The following DTNBP1 variants were observed in gnomAD, a reference collection of about 807,000 sequenced individuals.
DTNBP1 encodes the protein dystrobrevin binding protein 1, also known as dysbindin.
A neutral mutation model predicts 42.8 loss-of-function variants in DTNBP1; 35 were observed. The ratio of observed to expected loss-of-function variants is 0.82; its 90% CI spans 0.63 to 1.09. DTNBP1 has a LOEUF of 1.09. DTNBP1 is among the 50% of genes least tolerant of loss of function. The pLI is 0.00. For synonymous variants in DTNBP1, 171 were observed against 162.2 expected (o/e 1.05, Z -0.41); for missense variants, 457 against 424.2 (o/e 1.08, Z -0.68).
intron 4 of DTNBP1, among the ~76,000 whole-genome samples, chr6:15,630,711 A>C (rs1376431174): frequency 6.6e-6 from 1 of 152,122 alleles, no homozygotes; most frequent in African/African-American, 2.4e-5. Context: ...AGGTTGAGAG[A>C]TCGAGACCAT....
chr6:15,655,479 ACTT>A (rs869105130), intron 1 of DTNBP1, among the ~76,000 whole-genome samples: 8 of 152,250 alleles, frequency 5.3e-5, no homozygotes, highest in East Asian at 3.9e-4. Flanking sequence ...TTTTCTCACC[ACTT>A]CTTCTCCAAA....
chr6:15,577,167 C>T (rs565077130), intron 7 of DTNBP1, among the ~76,000 whole-genome samples: 19 of 152,208 alleles, frequency 1.2e-4, no homozygotes, highest in Non-Finnish European at 2.6e-4. Flanking sequence ...CTGGTTGGGC[C>T]TATGGGCCTG....
At chr6:15,621,425 G>T (rs1307673237) in intron 5 of DTNBP1, among the ~76,000 whole-genome samples, 4 of 152,180 alleles carry the variant, frequency 2.6e-5, no homozygotes, top group African/African-American at 9.7e-5. Context: ...TCTGTTCTAG[G>T]TACAAATTGT....
intron 7 of DTNBP1, among the ~76,000 whole-genome samples, chr6:15,563,344 T>C (rs1369544635): frequency 2.0e-5 from 3 of 152,008 alleles, no homozygotes; most frequent in African/African-American, 7.3e-5. Flanking sequence ...GCATAACTCA[T>C]AAAAAAAGAA....
At chr6:15,533,138 C>T in intron 8 of DTNBP1, 102 bp downstream of exon 8, 1 of 1,563,316 alleles carries the variant, frequency 6.4e-7, no homozygotes, top group Non-Finnish European at 8.7e-7. Context: ...CAGAACGGAA[C>T]TTCTGAGGAT....
At chr6:15,533,543 G>T in intron 7 of DTNBP1, 148 bp from the exon 8 acceptor site, 1 of 1,340,702 alleles carries the variant, frequency 7.5e-7, no homozygotes, top group Non-Finnish European at 1.1e-6. Flanking sequence ...GTGTACAGCT[G>T]GCCTCCTTGT....
chr6:15,660,197 T>G (rs1373891372), intron 1 of DTNBP1, among the ~76,000 whole-genome samples: 1 of 152,240 alleles, frequency 6.6e-6, no homozygotes, highest in Non-Finnish European at 1.5e-5. Context: ...TCTTTTTTAG[T>G]GATGCAGCTC....
rs11753919 is a variant in DTNBP1, at chr6:15,533,502, C to T, written c.512-107G>A. On this transcript the variant is annotated intron_variant, in intron 7 of 9. Transcript: ENST00000344537. ...CCTCCAAGTGGATGGAGTCATGCCG[C>T]GTTTACAGACTGGGCTGGTGCCCCG... 160,681 of 1,569,016 alleles carry T rather than the reference C, an allele frequency of 0.1. 10,681 individuals are homozygous for T. Among genetic ancestry groups the T allele is most frequent in the African/African-American group, 0.32 (23,702 of 74,062 alleles).
At position 15,569,344 on chromosome 6, in the gene DTNBP1, C is replaced by T. The variant is rs928925138; in HGVS notation, c.511+23715G>A. On this transcript the variant is annotated intron_variant, in intron 7 of 9. Transcript: ENST00000344537. ...ATTACAGTGGTACAGCTGAAGTCAG[C>T]CAGTTAAGACCCCCCCCCGCCCGCC... is the stretch of plus-strand genomic sequence containing the variant. Among the ~76,000 whole-genome samples the T allele has an allele frequency of 1.3e-4, 20 of 148,882 alleles. 1 individual carries two copies. Among genetic ancestry groups the T allele is most frequent in the Non-Finnish European group, 2.5e-4 (17 of 67,320 alleles).
intron 5 of DTNBP1, among the ~76,000 whole-genome samples, chr6:15,624,551 A>G (rs944739055): frequency 6.6e-6 from 1 of 152,228 alleles, no homozygotes; most frequent in Non-Finnish European, 1.5e-5. Flanking sequence ...TTGCCCTTCA[A>G]TAAAAGCAGG....
intron 1 of DTNBP1, 134 bp downstream of exon 1, chr6:15,662,680 C>T (rs1761717791): frequency 2.3e-6 from 3 of 1,292,462 alleles, no homozygotes; most frequent in Admixed American, 3.9e-5. Flanking sequence ...TTACTTTCCT[C>T]GGCGGGGCGG....
In DTNBP1 at chr6:15,523,122, G is replaced by A. The variant is rs758273569; in HGVS notation, c.909C>T (p.Thr303=). 5.1e-5 allele frequency: 83 copies of A among 1,614,106 alleles called. No individual in the cohort carries two copies. In the South Asian group the frequency reaches 7.8e-4, roughly 15 times the overall value. Residue 303 remains threonine, a synonymous_variant, in exon 10 of 10, where the codon ACC becomes ACT. Coordinates refer to ENST00000344537, the MANE Select transcript of DTNBP1 (RefSeq NM_032122.5). ...CACTGATGTCCCGGGTGGCCGAGTC[G>A]GTGCAGGTGGAGGAAGAAGAAGGTG... ...AKPPSSSSTC[T]DSATRDISEG... is the part of the protein sequence containing the mutation.
At chr6:15,549,441 C>T (rs1296043529) in intron 7 of DTNBP1, among the ~76,000 whole-genome samples, 1 of 147,146 alleles carries the variant, frequency 6.8e-6, no homozygotes, top group Non-Finnish European at 1.5e-5. Context: ...GCCGAGACCG[C>T]GCCATTGCAC....
At chr6:15,524,373 C>A in intron 9 of DTNBP1, 153 bp downstream of exon 9, 1 of 1,613,716 alleles carries the variant, frequency 6.2e-7, no homozygotes, top group South Asian at 1.1e-5. Context: ...GCCACACAGC[C>A]GTGTGGAACC....
intron 1 of DTNBP1, among the ~76,000 whole-genome samples, chr6:15,656,427 CTTAAT>C (rs2113822653): frequency 6.6e-6 from 1 of 152,288 alleles, no homozygotes; most frequent in African/African-American, 2.4e-5. Context: ...ACGACTTCAC[CTTAAT>C]TTGACACCAG....
chr6:15,538,557 A>T (rs979073845), intron 7 of DTNBP1, among the ~76,000 whole-genome samples: 6 of 152,182 alleles, frequency 3.9e-5, no homozygotes, highest in Non-Finnish European at 8.8e-5. Flanking sequence ...AAGCTGATAA[A>T]TTTGTTTCAT....
chr6:15,621,844 G>A (rs1002745495), intron 5 of DTNBP1, among the ~76,000 whole-genome samples: 1 of 151,978 alleles, frequency 6.6e-6, no homozygotes, highest in Non-Finnish European at 1.5e-5. Flanking sequence ...CCCTAACCCC[G>A]GCCTGTCTTT....
intron 1 of DTNBP1, among the ~76,000 whole-genome samples, chr6:15,655,109 T>G (rs1442013198): frequency 6.6e-6 from 1 of 152,138 alleles, no homozygotes; most frequent in Admixed American, 6.5e-5. Flanking sequence ...GTGTGTGTGT[T>G]TGAGACTTTG....
intron 7 of DTNBP1, chr6:15,548,390 T>C: frequency 6.6e-6 from 1 of 151,480 alleles, no homozygotes; most frequent in East Asian, 1.9e-4. Flanking sequence ...AGACCCAGGA[T>C]TCAGGTCAGC....
Sources: gnomAD v4.1 joint callset for allele counts (sites outside exome capture counted in the v4.1 genomes callset) on GRCh38, gnomAD v4.1.1 for gene constraint, MANE v1.5 for transcripts, NCBI Gene and HGNC (gene_info 2026-07-23, HGNC 2026-07-21) for gene names.